APP: variants seen among roughly 807,000 people sequenced by gnomAD.
The protein encoded by APP is amyloid-beta precursor protein.
A neutral mutation model predicts 101.4 loss-of-function variants in APP; 31 were observed. The ratio of observed to expected loss-of-function variants is 0.31; its 90% CI spans 0.23 to 0.41. The LOEUF (loss-of-function observed/expected upper bound fraction) is 0.41. APP is among the 10% of genes least tolerant of loss of function. APP has a pLI of 1.00. For synonymous variants in APP, 366 were observed against 364.4 expected, an observed-to-expected ratio of 1.00 and a Z score of -0.05; for missense variants, 839 against 1,003.7, an observed-to-expected ratio of 0.84 and a Z score of 2.22.
At chr21:26,093,371 C>T (rs1170870530) in intron 2 of APP, among the ~76,000 whole-genome samples, 2 of 152,154 alleles carry the variant, frequency 1.3e-5, no homozygotes, top group Admixed American at 6.5e-5. Flanking sequence ...GAAAGACAAC[C>T]CTGCTGAGAA....
chr21:25,948,893 T>C (rs2040944735), intron 13 of APP, among the ~76,000 whole-genome samples: 2 of 152,300 alleles, frequency 1.3e-5, no homozygotes, highest in South Asian at 4.1e-4. Flanking sequence ...TTTTGAAGGA[T>C]TAATAAATAA....
At chr21:25,940,856 GCCCCATC>G (rs902000349) in intron 13 of APP, among the ~76,000 whole-genome samples, 7 of 152,134 alleles carry the variant, frequency 4.6e-5, no homozygotes, top group Non-Finnish European at 8.8e-5. Context: ...AGATTGCTCA[GCCCCATC>G]CCTAGCTTTG....
chr21:25,891,271 A>G (rs1012093205), intron 17 of APP, among the ~76,000 whole-genome samples: 3 of 152,054 alleles, frequency 2.0e-5, no homozygotes, highest in African/African-American at 7.3e-5. Context: ...ATTTACTATT[A>G]CCTGGTTGTA....
At chr21:26,134,462 C>T (rs2062854898) in intron 1 of APP, among the ~76,000 whole-genome samples, 1 of 152,168 alleles carries the variant, frequency 6.6e-6, no homozygotes, top group Non-Finnish European at 1.5e-5. Context: ...TACATTCACC[C>T]ATTTATTTTA....
intron 1 of APP, among the ~76,000 whole-genome samples, chr21:26,134,077 C>T (rs1292169943): frequency 6.6e-6 from 1 of 152,152 alleles, no homozygotes; most frequent in Non-Finnish European, 1.5e-5. Context: ...ATGTTTGCCT[C>T]CTGGACTCAA....
chr21:25,954,752 T>C, intron 12 of APP, 63 bp from the exon 13 acceptor site: 1 of 1,391,516 alleles, frequency 7.2e-7, no homozygotes, highest in East Asian at 2.4e-5. Flanking sequence ...TTCTTTTTCT[T>C]TCTTTTTTTC....
chr21:26,139,077 G>C (rs1242207675), intron 1 of APP, among the ~76,000 whole-genome samples: 1 of 152,080 alleles, frequency 6.6e-6, no homozygotes, highest in Non-Finnish European at 1.5e-5. Flanking sequence ...GTGGTAGAAA[G>C]GGGTGATTAG....
At chr21:25,952,215 CACACACACACAT>C (rs2041114197) in intron 13 of APP, among the ~76,000 whole-genome samples, 2 of 151,746 alleles carry the variant, frequency 1.3e-5, no homozygotes, top group African/African-American at 4.9e-5. Flanking sequence ...CACACACACA[CACACACACACAT>C]TAAGAGCACA....
At chr21:25,985,761 A>G (rs1236814817) in intron 8 of APP, among the ~76,000 whole-genome samples, 2 of 152,122 alleles carry the variant, frequency 1.3e-5, no homozygotes, top group African/African-American at 4.8e-5. Flanking sequence ...TAACAGTCCC[A>G]GTTATTTCCC....
At chr21:26,031,072 G>C (rs2044796004) in intron 5 of APP, among the ~76,000 whole-genome samples, 1 of 152,214 alleles carries the variant, frequency 6.6e-6, no homozygotes, top group African/African-American at 2.4e-5. Flanking sequence ...AGCAAAGCTA[G>C]GGGTGGGCTG....
At chr21:26,115,585 G>A (rs1028215217) in intron 1 of APP, among the ~76,000 whole-genome samples, 4 of 152,292 alleles carry the variant, frequency 2.6e-5, no homozygotes, top group East Asian at 3.9e-4. Flanking sequence ...AAGGAAATGT[G>A]GCCACATTAA....
At chr21:26,095,212 C>A (rs1274917620) in intron 2 of APP, among the ~76,000 whole-genome samples, 1 of 152,200 alleles carries the variant, frequency 6.6e-6, no homozygotes, top group East Asian at 1.9e-4. Flanking sequence ...CTCCTGGCCT[C>A]AAGAGATCCT....
At chr21:26,140,161 T>A (rs758076300) in intron 1 of APP, 11 of 1,535,428 alleles carry the variant, frequency 7.2e-6, no homozygotes, top group Non-Finnish European at 9.6e-6. Context: ...ACATAGTTGA[T>A]AAACAGAACC....
At chr21:25,891,476 A>G (rs2037691401) in intron 17 of APP, among the ~76,000 whole-genome samples, 1 of 152,170 alleles carries the variant, frequency 6.6e-6, no homozygotes, top group Non-Finnish European at 1.5e-5. Context: ...TATTATTTTG[A>G]TAACTTCAAC....
intron 2 of APP, among the ~76,000 whole-genome samples, chr21:26,102,093 T>G (rs1180797053): frequency 1.4e-5 from 1 of 70,350 alleles, no homozygotes; most frequent in African/African-American, 6.2e-5. Context: ...TTTTTTTTTT[T>G]TTTTTTTTTT....
rs547684541 is a variant in APP, at chr21:25,986,696, G to A, written c.1091-4219C>T. 7.2e-5 allele frequency among the ~76,000 whole-genome samples: 11 copies of A among 152,156 alleles called. No homozygotes were observed. In the South Asian group the frequency reaches 1.5e-3, roughly 20 times the overall value. On this transcript the variant is annotated intron_variant, in intron 8 of 17. Coordinates refer to ENST00000346798, the MANE Select transcript of APP (RefSeq NM_000484.4). Reference sequence around the variant, plus strand: ...GTCTGGGCTACAAGAGCGAAACTCCGTCTCAAACAAACAAACAAACAAATA... The same window carrying A: ...GTCTGGGCTACAAGAGCGAAACTCCATCTCAAACAAACAAACAAACAAATA...
chr21:25,969,653 A>G (rs1428804357), intron 11 of APP, among the ~76,000 whole-genome samples: 3 of 151,708 alleles, frequency 2.0e-5, no homozygotes, highest in Admixed American at 1.3e-4. Context: ...TAGCCTGGGT[A>G]ACACAGCGAG....
At chr21:25,958,929 T>A (rs1186224648) in intron 11 of APP, among the ~76,000 whole-genome samples, 1 of 152,120 alleles carries the variant, frequency 6.6e-6, no homozygotes, top group East Asian at 1.9e-4. Context: ...CCCACCTTAT[T>A]GGTGAGGCAT....
At chr21:25,909,219 C>T (rs1051091480) in intron 14 of APP, among the ~76,000 whole-genome samples, 7 of 147,840 alleles carry the variant, frequency 4.7e-5, no homozygotes, top group East Asian at 2.0e-4. Context: ...GCTGAGATCG[C>T]GCCACTGCAC....
Sources: allele counts gnomAD v4.1 joint callset (sites outside exome capture counted in the v4.1 genomes callset), GRCh38; gene constraint gnomAD v4.1.1; transcripts MANE v1.5; gene names NCBI Gene and HGNC (gene_info 2026-07-23, HGNC 2026-07-21).